Variants in TMTC2 observed in about 807,000 individuals in gnomAD.
TMTC2 encodes the protein transmembrane O-mannosyltransferase targeting cadherins 2.
TMTC2 carries 43 observed loss-of-function variants against 82.4 expected under a neutral mutation model. The observed-to-expected ratio is 0.52, with a 90% confidence interval of 0.41 to 0.67. The LOEUF (loss-of-function observed/expected upper bound fraction) is 0.67. Among genes scored for constraint, TMTC2 ranks in the 30% least tolerant of loss-of-function variants. The pLI is 0.00. For synonymous variants in TMTC2, 408 were observed against 381.9 expected (o/e 1.07, Z -0.80); for missense variants, 919 against 1,012.4 (o/e 0.91, Z 1.25).
intron 1 of TMTC2, among the ~76,000 whole-genome samples, chr12:82,733,067 T>G (rs1874909130): frequency 6.6e-6 from 1 of 152,248 alleles, no homozygotes; most frequent in Non-Finnish European, 1.5e-5. Context: ...GGAAGATCTC[T>G]TTATTTTTTT....
chr12:82,785,096 A>G (rs1005951276), intron 1 of TMTC2, among the ~76,000 whole-genome samples: 1 of 152,072 alleles, frequency 6.6e-6, no homozygotes, highest in African/African-American at 2.4e-5. Flanking sequence ...CATGTATAGG[A>G]TTCATAGAGA....
chr12:82,942,300 A>G (rs1876765726), intron 4 of TMTC2, among the ~76,000 whole-genome samples: 2 of 152,188 alleles, frequency 1.3e-5, no homozygotes, highest in African/African-American at 4.8e-5. Context: ...TGAAGTATAT[A>G]CTTGTATTCT....
chr12:82,908,018 A>G (rs1012587940), intron 3 of TMTC2, among the ~76,000 whole-genome samples: 3 of 152,136 alleles, frequency 2.0e-5, no homozygotes, highest in African/African-American at 4.8e-5. Context: ...AGCCTGAGGC[A>G]GAAGAATTGC....
intron 1 of TMTC2, among the ~76,000 whole-genome samples, chr12:82,852,054 C>T (rs1871002317): frequency 6.6e-6 from 1 of 151,130 alleles, no homozygotes; most frequent in Admixed American, 6.6e-5. Flanking sequence ...CACAAATGAA[C>T]AAACCTGGAC....
rs3993380 is a variant in TMTC2, at chr12:82,696,964, G to GTATATATATA, written c.83+9305_83+9314dup. On this transcript the variant is annotated intron_variant, in intron 1 of 11. Coordinates refer to ENST00000321196, the MANE Select transcript of TMTC2 (RefSeq NM_152588.3). ...GCTCTCTTTCTACATACATACATAC[G>GTATATATATA]TATATATATATATATATATGTTTCT... Among the ~76,000 whole-genome samples the GTATATATATA allele has an allele frequency of 3.4e-4, 48 of 141,548 alleles. 1 individual carries two copies. Among genetic ancestry groups the GTATATATATA allele is most frequent in the African/African-American group, 1.2e-3 (45 of 38,154 alleles). The allele number at this position is 141,548 out of a possible 152,430, so 92.9% of individuals were successfully genotyped here.
intron 1 of TMTC2, among the ~76,000 whole-genome samples, chr12:82,756,915 C>T (rs187036944): frequency 6.6e-6 from 1 of 152,222 alleles, no homozygotes; most frequent in Admixed American, 6.5e-5. Context: ...TGAATCAGTG[C>T]TCTAGTGGTA....
chr12:82,905,842 G>A (rs904423331), intron 3 of TMTC2, among the ~76,000 whole-genome samples: 1 of 152,128 alleles, frequency 6.6e-6, no homozygotes, highest in Non-Finnish European at 1.5e-5. Flanking sequence ...CTACTCGGGA[G>A]GCTGAGGCAG....
chr12:82,703,814 T>C (rs1424120466), intron 1 of TMTC2, among the ~76,000 whole-genome samples: 1 of 152,146 alleles, frequency 6.6e-6, no homozygotes, highest in Non-Finnish European at 1.5e-5. Context: ...ATGAGTATCT[T>C]TGTGAATTGG....
At chr12:82,737,532 G>A (rs943729985) in intron 1 of TMTC2, among the ~76,000 whole-genome samples, 1 of 152,146 alleles carries the variant, frequency 6.6e-6, no homozygotes, top group African/African-American at 2.4e-5. Flanking sequence ...ATTTAAAATG[G>A]CTGCCATCTT....
intron 2 of TMTC2, among the ~76,000 whole-genome samples, chr12:82,880,791 C>A (rs1872783138): frequency 6.6e-6 from 1 of 152,140 alleles, no homozygotes; most frequent in Non-Finnish European, 1.5e-5. Flanking sequence ...TCTATTAAAA[C>A]AAGTTGTCTA....
chr12:83,120,416 A>G (rs1361118589), intron 11 of TMTC2, among the ~76,000 whole-genome samples: 1 of 152,162 alleles, frequency 6.6e-6, no homozygotes, highest in Non-Finnish European at 1.5e-5. Flanking sequence ...GACGAATCTT[A>G]GTTTTGCTAG....
intron 8 of TMTC2, among the ~76,000 whole-genome samples, chr12:83,010,444 A>G (rs1411480268): frequency 1.3e-5 from 2 of 152,096 alleles, no homozygotes; most frequent in African/African-American, 4.8e-5. Flanking sequence ...CTTCCTGTTG[A>G]CCAGCTCTCC....
At chr12:82,705,537 G>C (rs1873314834) in intron 1 of TMTC2, among the ~76,000 whole-genome samples, 2 of 152,184 alleles carry the variant, frequency 1.3e-5, no homozygotes, top group African/African-American at 4.8e-5. Flanking sequence ...TCTGATTTCT[G>C]CATATTGTAG....
At chr12:83,076,026 A>T (rs1883274236) in intron 11 of TMTC2, among the ~76,000 whole-genome samples, 1 of 152,204 alleles carries the variant, frequency 6.6e-6, no homozygotes, top group South Asian at 2.1e-4. Flanking sequence ...TTAGAAGACA[A>T]GGATAGTGAA....
intron 1 of TMTC2, 90 bp downstream of exon 1, chr12:82,687,759 C>G: frequency 1.6e-6 from 2 of 1,249,230 alleles, no homozygotes. Flanking sequence ...CAAAGTGCGT[C>G]TTGGAGGAAC....
At chr12:83,024,699 A>C (rs946762138) in intron 8 of TMTC2, among the ~76,000 whole-genome samples, 3 of 152,160 alleles carry the variant, frequency 2.0e-5, no homozygotes, top group Non-Finnish European at 4.4e-5. Flanking sequence ...GGTATAGGTA[A>C]TCACCAATTA....
intron 1 of TMTC2, among the ~76,000 whole-genome samples, chr12:82,822,243 C>G (rs1026724914): frequency 3.9e-5 from 6 of 152,064 alleles, no homozygotes; most frequent in African/African-American, 1.4e-4. Flanking sequence ...GATACATTTG[C>G]CCAAATCCAT....
intron 2 of TMTC2, among the ~76,000 whole-genome samples, chr12:82,869,289 G>T (rs1872042703): frequency 1.3e-5 from 2 of 151,876 alleles, no homozygotes; most frequent in South Asian, 4.2e-4. Context: ...AGAATTTTTT[G>T]GTCTACTTAC....
intron 11 of TMTC2, among the ~76,000 whole-genome samples, chr12:83,098,019 G>C (rs1261592738): frequency 1.3e-5 from 2 of 152,192 alleles, no homozygotes; most frequent in African/African-American, 2.4e-5. Context: ...AGAGTAAAAT[G>C]CTTTAATTTA....
Sources: gnomAD v4.1 joint callset for allele counts (sites outside exome capture counted in the v4.1 genomes callset) on GRCh38, gnomAD v4.1.1 for gene constraint, MANE v1.5 for transcripts, NCBI Gene and HGNC (gene_info 2026-07-23, HGNC 2026-07-21) for gene names.